FRAS1: variants seen among roughly 807,000 people sequenced by gnomAD.
FRAS1 encodes the protein extracellular matrix organizing protein FRAS1.
A neutral mutation model predicts 435.2 loss-of-function variants in FRAS1; 290 were observed. The observed-to-expected ratio is 0.67, with a 90% CI of 0.61 to 0.73. The LOEUF is 0.73. Ranked by LOEUF, FRAS1 falls within the 30% of genes least tolerant of loss-of-function variation. FRAS1 has a pLI of 0.00. For missense variants in FRAS1, 4,860 were observed against 5,001.5 expected (o/e 0.97, Z 0.85); for synonymous variants, 1,800 against 1,851.0 (o/e 0.97, Z 0.71).
In FRAS1 at chr4:78,057,953, G is replaced by A; in HGVS notation, c.-57G>A. On this transcript the variant is annotated 5_prime_UTR_variant, in exon 1 of 74. Coordinates refer to ENST00000512123, the MANE Select transcript of FRAS1 (RefSeq NM_025074.7). This position sits in a 1 kb window ranked among gnomAD's most constrained non-coding sequence, Gnocchi z 4.2. ...AAGCGCCGGAGCCAGCGTTTTGGCG[G>A]AGCCGCTTCTTGGATGCTGAAGGCT... 1.9e-6 allele frequency: 3 copies of A among 1,559,022 alleles called. No individual in the cohort carries two copies. Among genetic ancestry groups the A allele is most frequent in the Non-Finnish European group, 2.6e-6 (3 of 1,132,794 alleles).
At chr4:78,234,044 T>C (rs997818270) in intron 2 of FRAS1, among the ~76,000 whole-genome samples, 7 of 152,142 alleles carry the variant, frequency 4.6e-5, no homozygotes, top group African/African-American at 1.7e-4. Flanking sequence ...CACTTCCTGC[T>C]CCCAGAGTGG....
At position 78,173,385 on chromosome 4, in the gene FRAS1, G is replaced by T. The variant is rs186851031; in HGVS notation, c.109-64125G>T. 5.9e-5 allele frequency among the ~76,000 whole-genome samples: 9 copies of T among 152,290 alleles called. No individual in the cohort carries two copies. The East Asian group carries it at 1.7e-3, about 29-fold the overall frequency. On this transcript the variant is annotated intron_variant, in intron 2 of 73. Coordinates refer to ENST00000512123, the MANE Select transcript of FRAS1 (RefSeq NM_025074.7). ...GATGCTGTTGTCTCCTGACACTGTT[G>T]TTCCCTCCCTAGGGTGCTATGGACA...
intron 34 of FRAS1, among the ~76,000 whole-genome samples, chr4:78,422,910 A>C (rs1733846850): frequency 6.6e-6 from 1 of 152,140 alleles, no homozygotes; most frequent in African/African-American, 2.4e-5. Flanking sequence ...ACCTTTTAGG[A>C]TAAAACCAGA....
At chr4:78,315,857 A>T (rs1003382804) in intron 16 of FRAS1, 123 bp downstream of exon 16, 1 of 1,086,082 alleles carries the variant, frequency 9.2e-7, no homozygotes, top group Non-Finnish European at 1.4e-6. Flanking sequence ...ACTTTAAAAG[A>T]TAGCTTTTTT....
chr4:78,195,580 G>A (rs1444244284), intron 2 of FRAS1, among the ~76,000 whole-genome samples: 2 of 152,226 alleles, frequency 1.3e-5, no homozygotes, highest in Admixed American at 1.3e-4. Flanking sequence ...CCAGGCGTGG[G>A]ATATAATCTC....
intron 35 of FRAS1, among the ~76,000 whole-genome samples, chr4:78,427,833 A>G (rs1734054310): frequency 6.6e-6 from 1 of 152,240 alleles, no homozygotes; most frequent in Non-Finnish European, 1.5e-5. Flanking sequence ...CTAAAACTTG[A>G]ATAGAATCAT....
At chr4:78,198,508 A>G (rs867893794) in intron 2 of FRAS1, among the ~76,000 whole-genome samples, 3 of 152,364 alleles carry the variant, frequency 2.0e-5, no homozygotes, top group Middle Eastern at 3.4e-3. Flanking sequence ...AAAAAGAAAG[A>G]AAGAGTGTAG....
intron 32 of FRAS1, among the ~76,000 whole-genome samples, chr4:78,413,515 G>T (rs544221734): frequency 3.3e-5 from 5 of 152,300 alleles, no homozygotes; most frequent in African/African-American, 1.2e-4. Context: ...CCTAGAGAAG[G>T]TTCTGTCAAT....
intron 18 of FRAS1, among the ~76,000 whole-genome samples, chr4:78,332,640 G>T (rs1247081526): frequency 1.3e-5 from 2 of 152,218 alleles, no homozygotes; most frequent in Non-Finnish European, 2.9e-5. Context: ...AGATGAGGAA[G>T]CAGGAGCCTT....
chr4:78,403,601 AGCTGACGCCTT>A (rs1578301707), intron 30 of FRAS1, among the ~76,000 whole-genome samples: 1 of 152,178 alleles, frequency 6.6e-6, no homozygotes, highest in Non-Finnish European at 1.5e-5. Context: ...TTTTGTGAAG[AGCTGACGCCTT>A]GAAACAGAAC....
chr4:78,069,024 C>T (rs1740199207), intron 2 of FRAS1, among the ~76,000 whole-genome samples: 1 of 152,184 alleles, frequency 6.6e-6, no homozygotes, highest in Non-Finnish European at 1.5e-5. Flanking sequence ...TTCTAGGATT[C>T]TCTGATTATA....
At chr4:78,142,188 T>A (rs931940501) in intron 2 of FRAS1, among the ~76,000 whole-genome samples, 4 of 151,984 alleles carry the variant, frequency 2.6e-5, no homozygotes, top group Non-Finnish European at 5.9e-5. Flanking sequence ...GCTCTAGACT[T>A]TCGTTTGAGA....
intron 5 of FRAS1, among the ~76,000 whole-genome samples, chr4:78,253,271 C>T (rs1725632979): frequency 1.3e-5 from 2 of 152,178 alleles, no homozygotes. Flanking sequence ...TGGTTACCTT[C>T]CCTTATTCCC....
Position 78,526,638 on chromosome 4 carries a change from A to T in FRAS1, c.10906A>T (p.Thr3636Ser). ...VDPGEKPLAC[T>S]AHAPERFLIP... ...CCCAGGAGAGAAGCCTTTGGCCTGC[A>T]CTGCACATGCCCCAGAAAGGTAGGA... Residue 3636 changes from threonine (T) to serine (S), a missense_variant, in exon 70 of 74, where the codon ACT becomes TCT. Transcript: ENST00000512123. The T allele has an allele frequency of 6.3e-7, 1 of 1,581,676 alleles. No homozygotes were observed. The highest frequency in any genetic ancestry group is 8.6e-7 in the Non-Finnish European group (1 of 1,165,540).
At chr4:78,413,226 C>T (rs1277919423) in intron 32 of FRAS1, 141 bp downstream of exon 32, 1 of 504,896 alleles carries the variant, frequency 2.0e-6, no homozygotes, top group African/African-American at 2.0e-5. Context: ...GCCTAGTGGT[C>T]ACATTTCTCA....
chr4:78,081,128 G>T lies in FRAS1; in HGVS notation c.108+15112G>T, dbSNP rs569186439. 2.0e-5 allele frequency among the ~76,000 whole-genome samples: 3 copies of T among 152,254 alleles called. No homozygotes were observed. The South Asian group carries it at 6.2e-4, about 32-fold the overall frequency. On this transcript the variant is annotated intron_variant, in intron 2 of 73. Transcript: ENST00000512123. ...TGTGTTAAAGACTGTGAGGATGGGG[G>T]TTTGTGGGGCTGCAGAAAGGAAAGC...
At chr4:78,279,151 G>A (rs971965135) in intron 10 of FRAS1, among the ~76,000 whole-genome samples, 22 of 152,180 alleles carry the variant, frequency 1.4e-4, no homozygotes, top group African/African-American at 4.6e-4. Context: ...CTGAAGGGAG[G>A]GAGCCGCATG....
intron 2 of FRAS1, among the ~76,000 whole-genome samples, chr4:78,141,721 T>C (rs1720191909): frequency 6.6e-6 from 1 of 152,120 alleles, no homozygotes; most frequent in African/African-American, 2.4e-5. Flanking sequence ...TGCAAAATCG[T>C]GGAACCAACC....
intron 2 of FRAS1, among the ~76,000 whole-genome samples, chr4:78,163,407 G>T (rs894430146): frequency 6.6e-6 from 1 of 152,072 alleles, no homozygotes; most frequent in Non-Finnish European, 1.5e-5. Flanking sequence ...AAATGTTGGG[G>T]TCAAAGATTT....
Sources: allele counts gnomAD v4.1 joint callset (sites outside exome capture counted in the v4.1 genomes callset), GRCh38; gene constraint gnomAD v4.1.1; non-coding constraint Gnocchi (gnomAD v3.1); transcripts MANE v1.5; gene names NCBI Gene and HGNC (gene_info 2026-07-23, HGNC 2026-07-21).